THEMIS: variants seen among roughly 807,000 people sequenced by gnomAD.
The protein encoded by THEMIS is thymocyte selection associated, also known as protein THEMIS.
Under a neutral mutation model 52.6 loss-of-function variants are expected in THEMIS, and 37 were observed. The observed-to-expected ratio is 0.70, with a 90% confidence interval of 0.54 to 0.93. The LOEUF is 0.93. THEMIS is among the 40% of genes least tolerant of loss of function. THEMIS has a pLI of 0.00. For missense variants in THEMIS, 808 were observed against 763.1 expected (o/e 1.06, Z -0.69); for synonymous variants, 292 against 272.7 (o/e 1.07, Z -0.70).
At chr6:127,751,568 A>T (rs1354577418) in intron 4 of THEMIS, among the ~76,000 whole-genome samples, 1 of 151,660 alleles carries the variant, frequency 6.6e-6, no homozygotes, top group Non-Finnish European at 1.5e-5. Context: ...TTAAGTCAAA[A>T]ATTATCACAG....
intron 1 of THEMIS, among the ~76,000 whole-genome samples, chr6:127,856,251 T>C (rs1779615283): frequency 6.6e-6 from 1 of 151,984 alleles, no homozygotes; most frequent in Admixed American, 6.6e-5. Flanking sequence ...TAGAACATTT[T>C]TATGGTATTG....
At chr6:127,769,530 C>T (rs1776308383) in intron 4 of THEMIS, among the ~76,000 whole-genome samples, 1 of 151,936 alleles carries the variant, frequency 6.6e-6, no homozygotes, top group Non-Finnish European at 1.5e-5. Context: ...AGCAGTCAGG[C>T]ATTGTTCTCT....
chr6:127,911,944 A>G (rs1398419090), intron 1 of THEMIS, among the ~76,000 whole-genome samples: 1 of 147,408 alleles, frequency 6.8e-6, no homozygotes, highest in Non-Finnish European at 1.5e-5. Flanking sequence ...TAGAAAAGCC[A>G]CAGATATTGT....
chr6:127,810,278 G>A (rs1583302050), intron 4 of THEMIS, among the ~76,000 whole-genome samples: 1 of 151,638 alleles, frequency 6.6e-6, no homozygotes, highest in Non-Finnish European at 1.5e-5. Context: ...TTCACATCCT[G>A]CAATTCTGTA....
At chr6:127,748,855 G>C (rs764612958) in intron 4 of THEMIS, among the ~76,000 whole-genome samples, 19 of 151,848 alleles carry the variant, frequency 1.3e-4, no homozygotes, top group Non-Finnish European at 2.5e-4. Context: ...GTTAAAATTT[G>C]ATATTCATAC....
chr6:127,706,454 A>G (rs369504532), downstream of THEMIS, among the ~76,000 whole-genome samples: 6 of 152,192 alleles, frequency 3.9e-5, 1 homozygote, highest in Admixed American at 2.0e-4. Flanking sequence ...GTCTGGCTTG[A>G]GTTCTCATAT....
At chr6:127,800,696 T>C (rs1201995830) in intron 4 of THEMIS, among the ~76,000 whole-genome samples, 3 of 151,978 alleles carry the variant, frequency 2.0e-5, no homozygotes, top group African/African-American at 7.3e-5. Flanking sequence ...CAGCTTAGAG[T>C]GCAGCAGAAT....
intron 4 of THEMIS, among the ~76,000 whole-genome samples, chr6:127,783,120 C>T (rs1232337095): frequency 6.6e-6 from 1 of 152,042 alleles, no homozygotes; most frequent in Admixed American, 6.5e-5. Flanking sequence ...ACAAACCTGA[C>T]AAAAATAAGC....
rs980494348 is a variant in THEMIS, at chr6:127,813,358, A to C, written c.1283T>G (p.Leu428Trp). ...KKSYEAALLPLYMEGGFVEVI... is the reference protein window; with the variant it reads ...KKSYEAALLPWYMEGGFVEVI... ...CTCTACAAAACCTCCTTCCATGTACAAAGGGAGCAGCGCAGCCTCATAGGA... is the reference window on the plus strand; with the variant it reads ...CTCTACAAAACCTCCTTCCATGTACCAAGGGAGCAGCGCAGCCTCATAGGA... The change falls in exon 4 of 6, where the codon TTG becomes TGG. Residue 428 changes from leucine (L) to tryptophan (W), a missense_variant. Transcript: ENST00000368248. The C allele has an allele frequency of 1.5e-5, 24 of 1,613,968 alleles. No homozygotes were observed. Among genetic ancestry groups the C allele is most frequent in the Non-Finnish European group, 1.9e-5 (22 of 1,180,024 alleles).
chr6:127,856,678 C>T (rs530438144), intron 1 of THEMIS, among the ~76,000 whole-genome samples: 25 of 152,018 alleles, frequency 1.6e-4, no homozygotes, highest in African/African-American at 6.0e-4. Context: ...CTCAAGCTTC[C>T]GGTACATATT....
At chr6:127,832,671 T>C (rs1778734658) in intron 2 of THEMIS, among the ~76,000 whole-genome samples, 1 of 151,822 alleles carries the variant, frequency 6.6e-6, no homozygotes, top group Non-Finnish European at 1.5e-5. Context: ...CAAGACACAT[T>C]CCAAGACTTG....
intron 4 of THEMIS, among the ~76,000 whole-genome samples, chr6:127,744,183 G>C (rs1309323519): frequency 1.3e-5 from 2 of 151,988 alleles, no homozygotes; most frequent in African/African-American, 4.8e-5. Flanking sequence ...ATGTTAAAGA[G>C]GGGTTTATTC....
At position 127,813,117 on chromosome 6, in the gene THEMIS, G is replaced by C. The variant is rs201512890; in HGVS notation, c.1524C>G (p.Arg508=). The C allele has an allele frequency of 2.5e-6, 4 of 1,614,038 alleles. No individual in the cohort carries two copies. The highest frequency in any genetic ancestry group is 2.5e-6 in the Non-Finnish European group (3 of 1,179,996). The change falls in exon 4 of 6, where the codon CGC becomes CGG. Residue 508 remains arginine, a synonymous_variant. Transcript: ENST00000368248. ...PTECWEIPVG[R]LNMTVQLVSN... ...TAACTAACTGAACAGTCATATTCAAGCGGCCCACAGGAATTTCCCAGCACT... is the reference window on the plus strand; with the variant it reads ...TAACTAACTGAACAGTCATATTCAACCGGCCCACAGGAATTTCCCAGCACT...
chr6:127,802,660 T>G (rs189509049), intron 4 of THEMIS, among the ~76,000 whole-genome samples: 3 of 152,264 alleles, frequency 2.0e-5, no homozygotes, highest in Admixed American at 2.0e-4. Context: ...AAATAGAGAA[T>G]CATGGCCCTT....
intron 4 of THEMIS, among the ~76,000 whole-genome samples, chr6:127,721,711 T>C (rs888367458): frequency 6.6e-6 from 1 of 152,134 alleles, no homozygotes; most frequent in African/African-American, 2.4e-5. Flanking sequence ...TATTATCATG[T>C]AGTTTTTGGA....
At chr6:127,801,468 G>T (rs904878588) in intron 4 of THEMIS, among the ~76,000 whole-genome samples, 1 of 152,188 alleles carries the variant, frequency 6.6e-6, no homozygotes, top group African/African-American at 2.4e-5. Context: ...TACTGTTAAA[G>T]TGAGGGTATT....
chr6:127,759,583 C>A (rs1013202537), intron 4 of THEMIS, among the ~76,000 whole-genome samples: 12 of 152,098 alleles, frequency 7.9e-5, no homozygotes, highest in African/African-American at 2.7e-4. Flanking sequence ...TTAGAGTCAA[C>A]CTTAACACTT....
intron 4 of THEMIS, among the ~76,000 whole-genome samples, chr6:127,812,320 G>C (rs1777934939): frequency 6.6e-6 from 1 of 152,108 alleles, no homozygotes; most frequent in South Asian, 2.1e-4. Flanking sequence ...TTTTTCAATA[G>C]AGCTGTTAAA....
At chr6:127,902,342 A>AAAAT (rs1554248940), upstream of THEMIS, among the ~76,000 whole-genome samples, 1 of 149,922 alleles carries the variant, frequency 6.7e-6, no homozygotes, top group Non-Finnish European at 1.5e-5. Flanking sequence ...AAAAAAAAAA[A>AAAAT]AAATAAAGAA....
Sources: gnomAD v4.1 joint callset for allele counts (sites outside exome capture counted in the v4.1 genomes callset) on GRCh38, gnomAD v4.1.1 for gene constraint, MANE v1.5 for transcripts, NCBI Gene and HGNC (gene_info 2026-07-23, HGNC 2026-07-21) for gene names.